The following PARD3B variants were observed in gnomAD, a reference collection of about 807,000 sequenced individuals.
The protein encoded by PARD3B is partitioning defective 3 homolog B.
PARD3B carries 103 observed loss-of-function variants against 130.2 expected under a neutral mutation model. The ratio of observed to expected loss-of-function variants is 0.79; its 90% CI spans 0.67 to 0.93. The LOEUF (loss-of-function observed/expected upper bound fraction) is 0.93. Among genes scored for constraint, PARD3B ranks in the 40% least tolerant of loss-of-function variants. The pLI, the probability that PARD3B is intolerant of heterozygous loss-of-function variation, is 0.00. For missense variants in PARD3B, 1,609 were observed against 1,499.2 expected (o/e 1.07, Z -1.21); for synonymous variants, 583 against 553.2 (o/e 1.05, Z -0.76).
chr2:204,977,614 C>G (rs1002325189), intron 3 of PARD3B, among the ~76,000 whole-genome samples: 7 of 151,950 alleles, frequency 4.6e-5, no homozygotes, highest in Non-Finnish European at 8.8e-5. Context: ...TCGAGACCAT[C>G]CTGGCTAACA....
intron 2 of PARD3B, among the ~76,000 whole-genome samples, chr2:204,874,163 CAACAA>C (rs921081308): frequency 2.6e-5 from 4 of 152,034 alleles, no homozygotes; most frequent in African/African-American, 7.2e-5. Flanking sequence ...ACCACCACCA[CAACAA>C]AACAAAACAA....
At chr2:204,745,382 T>C in intron 2 of PARD3B, among the ~76,000 whole-genome samples, 1 of 148,658 alleles carries the variant, frequency 6.7e-6, no homozygotes, top group African/African-American at 2.5e-5. Context: ...ACCATTATAA[T>C]AATCCTTTGT....
At chr2:205,581,265 T>C in intron 22 of PARD3B, among the ~76,000 whole-genome samples, 1 of 113,546 alleles carries the variant, frequency 8.8e-6, no homozygotes, top group South Asian at 2.8e-4. Context: ...TATATAGATA[T>C]AGATAGATAG....
At chr2:204,626,545 GTT>G (rs976295299) in intron 1 of PARD3B, among the ~76,000 whole-genome samples, 1 of 145,962 alleles carries the variant, frequency 6.9e-6, no homozygotes, top group Non-Finnish European at 1.5e-5. Flanking sequence ...ATGATTTCAA[GTT>G]TTTTTTTTTA....
At chr2:204,959,760 C>T (rs572363962) in intron 2 of PARD3B, among the ~76,000 whole-genome samples, 2 of 152,210 alleles carry the variant, frequency 1.3e-5, no homozygotes, top group African/African-American at 4.8e-5. Flanking sequence ...TTCAGATCGC[C>T]CCTGGGAACA....
intron 15 of PARD3B, among the ~76,000 whole-genome samples, chr2:205,197,953 T>A (rs1280956176): frequency 1.3e-5 from 2 of 152,208 alleles, no homozygotes; most frequent in African/African-American, 4.8e-5. Context: ...TTGTTGGCAG[T>A]ATGCCAGGAA....
intron 22 of PARD3B, 151 bp downstream of exon 22, chr2:205,553,554 C>T: frequency 1.5e-6 from 1 of 664,878 alleles, no homozygotes; most frequent in Non-Finnish European, 2.5e-6. Context: ...TCCATCTTCA[C>T]AAATGTGCTA....
intron 20 of PARD3B, among the ~76,000 whole-genome samples, chr2:205,442,140 G>A (rs1312734515): frequency 6.6e-6 from 1 of 151,870 alleles, no homozygotes; most frequent in Non-Finnish European, 1.5e-5. Flanking sequence ...CAACACAGAG[G>A]GACTGTTTAT....
intron 3 of PARD3B, among the ~76,000 whole-genome samples, chr2:204,979,581 G>A (rs61286794): frequency 0.017 from 2,604 of 152,266 alleles, 73 homozygotes; most frequent in African/African-American, 0.06. Flanking sequence ...CAAAGATAAG[G>A]ACAGTGTAGA....
At chr2:205,041,085 G>A (rs950885040) in intron 3 of PARD3B, among the ~76,000 whole-genome samples, 9 of 152,004 alleles carry the variant, frequency 5.9e-5, no homozygotes, top group South Asian at 2.1e-4. Flanking sequence ...TGGCTTTTGC[G>A]TTATTTTGCA....
chr2:205,198,132 G>C (rs962612369), intron 15 of PARD3B, among the ~76,000 whole-genome samples: 1 of 152,156 alleles, frequency 6.6e-6, no homozygotes, highest in Non-Finnish European at 1.5e-5. Flanking sequence ...TCAGAGTTAA[G>C]TTTAAAATGC....
At chr2:205,447,632 C>CAGA (rs2047952518) in intron 20 of PARD3B, among the ~76,000 whole-genome samples, 2 of 152,170 alleles carry the variant, frequency 1.3e-5, no homozygotes, top group African/African-American at 2.4e-5. Flanking sequence ...CCACCTGGGC[C>CAGA]TCCCAAAGTG....
intron 1 of PARD3B, among the ~76,000 whole-genome samples, chr2:204,625,527 A>G (rs909392433): frequency 1.3e-5 from 2 of 152,222 alleles, no homozygotes; most frequent in African/African-American, 2.4e-5. Context: ...TTGACAATGA[A>G]GAAATTAAAT....
chr2:205,380,817 ATATAT>A (rs1292158830), intron 18 of PARD3B, among the ~76,000 whole-genome samples: 1 of 97,890 alleles, frequency 1.0e-5, no homozygotes, highest in Non-Finnish European at 1.7e-5. Context: ...AGAATATATT[ATATAT>A]TATATAAAGA....
At chr2:204,803,452 C>G (rs2042649030) in intron 2 of PARD3B, among the ~76,000 whole-genome samples, 1 of 151,884 alleles carries the variant, frequency 6.6e-6, no homozygotes, top group Non-Finnish European at 1.5e-5. Flanking sequence ...AAAAGATGAA[C>G]CTATTAAAAT....
At position 204,545,743 on chromosome 2, in the gene PARD3B, G is replaced by A. The variant is rs1185026089; in HGVS notation, c.-257G>A. ...GAGGAGGAGGAGGAGCCGGTGCCGC[G>A]GAGCTGCCGCGTCCCGGGCCGCCGG... is the stretch of plus-strand genomic sequence containing the variant. On this transcript the variant is annotated 5_prime_UTR_variant, in exon 1 of 23. Coordinates refer to ENST00000406610, the MANE Select transcript of PARD3B (RefSeq NM_001302769.2). The A allele has an allele frequency of 3.9e-5, 14 of 361,306 alleles. No homozygotes were observed. Among genetic ancestry groups the A allele is most frequent in the South Asian group, 5.8e-5 (1 of 17,140 alleles). 22.4% of individuals were successfully genotyped at this position (361,306 alleles called of 1,614,324 possible).
chr2:205,002,754 C>A (rs1694949225), intron 3 of PARD3B, among the ~76,000 whole-genome samples: 2 of 152,210 alleles, frequency 1.3e-5, no homozygotes, highest in African/African-American at 4.8e-5. Flanking sequence ...CATCTAGTGG[C>A]TCCCCCTTTC....
At chr2:205,464,370 A>G (rs2048553047) in intron 20 of PARD3B, among the ~76,000 whole-genome samples, 1 of 152,116 alleles carries the variant, frequency 6.6e-6, no homozygotes, top group African/African-American at 2.4e-5. Context: ...CATCCATCCA[A>G]CAAATGACCA....
Position 205,593,577 on chromosome 2 carries a change from C to CA in PARD3B, c.3261-21878dup, listed in dbSNP as rs558448874. Among the ~76,000 whole-genome samples, 8 of 152,318 alleles carry CA rather than the reference C, an allele frequency of 5.3e-5. No homozygotes were observed. In the South Asian group the frequency reaches 1.7e-3, roughly 32 times the overall value. ...ATAAAACAATTAAAGGGCTAGTTCA[C>CA]ACCTCATCAAATTGCTTAACAACCT... On this transcript the variant is annotated intron_variant, in intron 22 of 22. Coordinates refer to ENST00000406610, the MANE Select transcript of PARD3B (RefSeq NM_001302769.2).
Sources: allele counts gnomAD v4.1 joint callset (sites outside exome capture counted in the v4.1 genomes callset), GRCh38; gene constraint gnomAD v4.1.1; transcripts MANE v1.5; gene names NCBI Gene and HGNC (gene_info 2026-07-23, HGNC 2026-07-21).